The following KREMEN1 variants were observed in gnomAD, a reference collection of about 807,000 sequenced individuals.
KREMEN1 encodes the protein kringle containing transmembrane protein 1.
A neutral mutation model predicts 46.5 loss-of-function variants in KREMEN1; 30 were observed. The observed-to-expected ratio is 0.65, with a 90% confidence interval of 0.48 to 0.88. The LOEUF is 0.88. Among genes scored for constraint, KREMEN1 ranks in the 40% least tolerant of loss-of-function variants. KREMEN1 has a pLI of 0.00. For missense variants in KREMEN1, 533 were observed against 596.9 expected, an observed-to-expected ratio of 0.89 and a Z score of 1.11; for synonymous variants, 214 against 230.6, an observed-to-expected ratio of 0.93 and a Z score of 0.65.
Position 29,096,103 on chromosome 22 carries a change from AT to A in KREMEN1, c.260+1686del, listed in dbSNP as rs112189668. On this transcript the variant is annotated intron_variant, in intron 2 of 8. Transcript: ENST00000400335. ...TTTATTTTCCAAGTTATACATGTTAATTTATTTTTTGCATAAATTAAAAAAT... is the reference window on the plus strand; with the variant it reads ...TTTATTTTCCAAGTTATACATGTTAATTATTTTTTGCATAAATTAAAAAAT... 4.7e-3 allele frequency among the ~76,000 whole-genome samples: 708 copies of A among 152,256 alleles called. 8 individuals are homozygous for A. The highest frequency in any genetic ancestry group is 0.035 in the East Asian group (182 of 5,192).
intron 5 of KREMEN1, among the ~76,000 whole-genome samples, chr22:29,130,780 G>A (rs531385061): frequency 6.6e-6 from 1 of 152,322 alleles, no homozygotes; most frequent in Admixed American, 6.5e-5. Context: ...GGAGGACACC[G>A]GCCCCCTGCC....
intron 1 of KREMEN1, among the ~76,000 whole-genome samples, chr22:29,086,281 T>C (rs571815654): frequency 2.2e-4 from 34 of 152,260 alleles, no homozygotes; most frequent in East Asian, 7.7e-4. Flanking sequence ...TGAGGCCCAA[T>C]GATGTCTGAG....
At chr22:29,093,086 G>A (rs2037827790) in intron 1 of KREMEN1, among the ~76,000 whole-genome samples, 1 of 152,220 alleles carries the variant, frequency 6.6e-6, no homozygotes, top group Non-Finnish European at 1.5e-5. Context: ...ACAGGGCCTG[G>A]ATGGTCAGAG....
intron 2 of KREMEN1, among the ~76,000 whole-genome samples, chr22:29,094,888 T>C (rs1601762840): frequency 1.3e-5 from 2 of 152,164 alleles, no homozygotes; most frequent in African/African-American, 4.8e-5. Flanking sequence ...CCTCCCAAAG[T>C]GCTGGGGTTA....
chr22:29,081,158 T>C (rs2037649676), intron 1 of KREMEN1, among the ~76,000 whole-genome samples: 2 of 152,184 alleles, frequency 1.3e-5, no homozygotes, highest in South Asian at 2.1e-4. Context: ...TCCTTCTTTT[T>C]ACTGTTAGTT....
chr22:29,126,130 G>C (rs2145822933), intron 5 of KREMEN1, among the ~76,000 whole-genome samples: 1 of 147,250 alleles, frequency 6.8e-6, no homozygotes, highest in East Asian at 2.0e-4. Context: ...AAAAAAAAAG[G>C]CTCGAGATTA....
At chr22:29,109,884 A>AT (rs1382069943) in intron 3 of KREMEN1, among the ~76,000 whole-genome samples, 1 of 152,176 alleles carries the variant, frequency 6.6e-6, no homozygotes, top group Non-Finnish European at 1.5e-5. Context: ...GACAAGTGGA[A>AT]TATGTAAGGG....
downstream of KREMEN1, among the ~76,000 whole-genome samples, chr22:29,151,776 G>T (rs1354852605): frequency 6.6e-6 from 1 of 152,126 alleles, no homozygotes; most frequent in Non-Finnish European, 1.5e-5. Context: ...TTGGGAGGCT[G>T]AGGTGGGTGG....
In KREMEN1 at chr22:29,131,523, CATATATATATATATATATATATAT is replaced by C. The variant is rs148738725; in HGVS notation, c.632-5804_632-5781del. Among the ~76,000 whole-genome samples the C allele has an allele frequency of 9.2e-4, 86 of 93,740 alleles. 1 individual carries two copies. Among genetic ancestry groups the C allele is most frequent in the Middle Eastern group, 4.7e-3 (1 of 214 alleles). 61.5% of individuals were successfully genotyped at this position (93,740 alleles called of 152,430 possible). A position where few individuals can be genotyped will look rare whatever the true frequency, so the allele number is the denominator to read the frequency against. On this transcript the variant is annotated intron_variant, in intron 5 of 8. Transcript: ENST00000400335. The stretch of plus-strand genomic sequence containing the variant: ...AGCAACAACTGATCTGTATTCTGTT[CATATATATATATATATATATATAT>C]ATATATATATATATGTGTGTGTGTG...
intron 1 of KREMEN1, among the ~76,000 whole-genome samples, chr22:29,084,076 G>A (rs11914268): frequency 0.027 from 4,117 of 152,164 alleles, 111 homozygotes; most frequent in South Asian, 0.082. Context: ...AGGTCATATA[G>A]GGTAACTTCT....
chr22:29,127,922 G>C (rs188707110), intron 5 of KREMEN1, among the ~76,000 whole-genome samples: 18 of 152,178 alleles, frequency 1.2e-4, no homozygotes, highest in Non-Finnish European at 1.9e-4. Flanking sequence ...AAAGTACTGA[G>C]GCATGCTACA....
chr22:29,092,219 G>A (rs2037816000), intron 1 of KREMEN1, among the ~76,000 whole-genome samples: 1 of 152,198 alleles, frequency 6.6e-6, no homozygotes, highest in African/African-American at 2.4e-5. Context: ...GAAGTCAACA[G>A]GACTTGCTGA....
chr22:29,163,487 C>T (rs2039029723), intron 9 of KREMEN1, among the ~76,000 whole-genome samples: 3 of 152,140 alleles, frequency 2.0e-5, no homozygotes, highest in Admixed American at 2.0e-4. Context: ...AAACGATTCT[C>T]TTACCTCAGT....
At chr22:29,159,468 A>G (rs1050268336) in intron 9 of KREMEN1, among the ~76,000 whole-genome samples, 5 of 151,888 alleles carry the variant, frequency 3.3e-5, no homozygotes, top group African/African-American at 1.2e-4. Context: ...AAAATACAAA[A>G]ATTAGCCAGG....
chr22:29,127,975 A>C (rs2145826062), intron 5 of KREMEN1, among the ~76,000 whole-genome samples: 2 of 152,348 alleles, frequency 1.3e-5, no homozygotes, highest in Admixed American at 1.3e-4. Flanking sequence ...TGAAAGAACC[A>C]GATGCAAAGG....
intron 3 of KREMEN1, among the ~76,000 whole-genome samples, chr22:29,117,731 A>G (rs2038265428): frequency 6.6e-6 from 1 of 152,216 alleles, no homozygotes; most frequent in Non-Finnish European, 1.5e-5. Flanking sequence ...GAGAAAGGGA[A>G]AGGACTTCAG....
chr22:29,087,332 A>G (rs2037745106), intron 1 of KREMEN1, among the ~76,000 whole-genome samples: 1 of 152,200 alleles, frequency 6.6e-6, no homozygotes, highest in South Asian at 2.1e-4. Context: ...GGATTAAAAA[A>G]AAACAATGAC....
chr22:29,099,037 G>A (rs1258501281), intron 3 of KREMEN1, 84 bp downstream of exon 3: 4 of 986,588 alleles, frequency 4.1e-6, no homozygotes, highest in Non-Finnish European at 6.5e-6. Flanking sequence ...CAGAGGTCAG[G>A]TAGTTAGGCT....
intron 9 of KREMEN1, among the ~76,000 whole-genome samples, chr22:29,160,049 G>T (rs933561684): frequency 6.6e-6 from 1 of 151,994 alleles, no homozygotes; most frequent in African/African-American, 2.4e-5. Context: ...TGACCAATTG[G>T]ACCTATTAGA....
Sources: allele counts gnomAD v4.1 joint callset (sites outside exome capture counted in the v4.1 genomes callset), GRCh38; gene constraint gnomAD v4.1.1; transcripts MANE v1.5; gene names NCBI Gene and HGNC (gene_info 2026-07-23, HGNC 2026-07-21).